The following PLXNA2 variants were observed in gnomAD, a reference collection of about 807,000 sequenced individuals.
PLXNA2 encodes plexin A2.
In PLXNA2, 91 loss-of-function variants were observed where a neutral mutation model predicts 193.5. That is an observed-to-expected ratio of 0.47 (90% CI 0.40 to 0.56). The LOEUF is 0.56. Among genes scored for constraint, PLXNA2 ranks in the 20% least tolerant of loss-of-function variants. PLXNA2 has a pLI of 0.00. For missense variants in PLXNA2, 1,995 were observed against 2,503.2 expected (o/e 0.80, Z 4.33); for synonymous variants, 997 against 1,027.3 (o/e 0.97, Z 0.56).
At chr1:208,043,418 T>C (rs1451482438) in intron 20 of PLXNA2, among the ~76,000 whole-genome samples, 3 of 152,214 alleles carry the variant, frequency 2.0e-5, no homozygotes, top group Admixed American at 6.5e-5. Context: ...TATACTTATC[T>C]ATAATTTCAA....
intron 12 of PLXNA2, among the ~76,000 whole-genome samples, chr1:208,069,250 G>C (rs1448823098): frequency 1.3e-5 from 2 of 152,154 alleles, no homozygotes; most frequent in African/African-American, 4.8e-5. Context: ...AAAGCTTCCA[G>C]GAACTTCTGG....
At chr1:208,162,566 C>T (rs1669164932) in intron 3 of PLXNA2, among the ~76,000 whole-genome samples, 1 of 152,140 alleles carries the variant, frequency 6.6e-6, no homozygotes, top group Non-Finnish European at 1.5e-5. Context: ...TAGGGGAGTA[C>T]AAAGATGAAT....
intron 5 of PLXNA2, among the ~76,000 whole-genome samples, chr1:208,101,563 T>A (rs1452866290): frequency 6.6e-6 from 1 of 152,194 alleles, no homozygotes; most frequent in Non-Finnish European, 1.5e-5. Context: ...CTGGGACTAT[T>A]CTGATGTGGC....
intron 12 of PLXNA2, among the ~76,000 whole-genome samples, chr1:208,068,280 T>C (rs1307205753): frequency 6.6e-6 from 1 of 152,220 alleles, no homozygotes; most frequent in Non-Finnish European, 1.5e-5. Flanking sequence ...GATGACTGGA[T>C]GAGTGGAGGT....
chr1:208,071,783 G>A (rs538227701), intron 12 of PLXNA2, among the ~76,000 whole-genome samples: 5 of 152,344 alleles, frequency 3.3e-5, no homozygotes, highest in African/African-American at 9.6e-5. Context: ...ATAAATGAAC[G>A]AAAGATCAGA....
At chr1:208,037,767 G>A (rs1277229599) in intron 26 of PLXNA2, among the ~76,000 whole-genome samples, 2 of 151,430 alleles carry the variant, frequency 1.3e-5, no homozygotes, top group African/African-American at 4.9e-5. Context: ...CAATGTGTCT[G>A]CCAGTGTGCT....
rs761512286 is a variant in PLXNA2, at chr1:208,033,442, G to A, written c.4932C>T (p.Asp1644=). 25 of 1,613,848 alleles carry A rather than the reference G, an allele frequency of 1.5e-5. No homozygotes were observed. Among genetic ancestry groups the A allele is most frequent in the Non-Finnish European group, 2.0e-5 (24 of 1,179,884 alleles). ...LRSRAPMITP[D]LESGVKVWHL... is the part of the protein sequence containing the mutation. ...GCCACACCTTGACCCCACTTTCCAG[G>A]TCTGGGGTGATCATCGGGGCCCGGG... The change falls in exon 28 of 32, where the codon GAC becomes GAT. Residue 1644 remains aspartate (D), a synonymous_variant. Transcript: ENST00000367033.
At chr1:208,139,462 G>C (rs1248460983) in intron 4 of PLXNA2, among the ~76,000 whole-genome samples, 2 of 152,162 alleles carry the variant, frequency 1.3e-5, no homozygotes, top group Non-Finnish European at 2.9e-5. Flanking sequence ...GTGGCATGTG[G>C]GGCAGTATAA....
At chr1:208,065,691 G>A (rs895560863) in intron 12 of PLXNA2, among the ~76,000 whole-genome samples, 2 of 152,182 alleles carry the variant, frequency 1.3e-5, no homozygotes, top group Non-Finnish European at 2.9e-5. Context: ...ACAAAGAGCT[G>A]CTCATGGGCC....
intron 12 of PLXNA2, among the ~76,000 whole-genome samples, chr1:208,076,470 A>C (rs530817262): frequency 1.3e-5 from 2 of 152,118 alleles, no homozygotes; most frequent in African/African-American, 4.8e-5. Context: ...ATCAATTTTT[A>C]TGTTCTTGCT....
chr1:208,079,544 T>C (rs1666266033), intron 11 of PLXNA2, 94 bp from the exon 12 acceptor site: 2 of 879,766 alleles, frequency 2.3e-6, no homozygotes, highest in African/African-American at 1.7e-5. Context: ...ATAGAAACTC[T>C]TCCCCACCAT....
intron 3 of PLXNA2, among the ~76,000 whole-genome samples, chr1:208,166,294 T>C (rs896800752): frequency 1.3e-5 from 2 of 152,242 alleles, no homozygotes; most frequent in Non-Finnish European, 2.9e-5. Context: ...TAAGAGCAGA[T>C]GTTAGGCTGG....
rs374952818 is a variant in PLXNA2, at chr1:208,045,816, G to A, written c.3495+62C>T. On this transcript the variant is annotated intron_variant, in intron 18 of 31. Coordinates refer to ENST00000367033, the MANE Select transcript of PLXNA2 (RefSeq NM_025179.4). ...AGAAAGAAAGAAAGTCAGGCCAGGAGCGAGGGGCGCCCTCTGGCATTGCTG... is the reference window on the plus strand; with the variant it reads ...AGAAAGAAAGAAAGTCAGGCCAGGAACGAGGGGCGCCCTCTGGCATTGCTG... The A allele has an allele frequency of 1.1e-4, 169 of 1,595,152 alleles. 3 individuals are homozygous for A. The African/African-American group carries it at 1.8e-3, about 17-fold the overall frequency.
In PLXNA2 at chr1:208,028,830, C is replaced by T. The variant is rs1413885123; in HGVS notation, c.5438G>A (p.Arg1813Lys). Reference sequence around the variant, plus strand: ...GGCCTGTCCTGAGGGTGCTACTGACCTCTCCACCCAGCTCTTGTAGCTGGG... The same window carrying T: ...GGCCTGTCCTGAGGGTGCTACTGACTTCTCCACCCAGCTCTTGTAGCTGGG... ...DIPSYKSWVERYYADIAKLPA... is the reference protein window; with the variant it reads ...DIPSYKSWVEKYYADIAKLPA... Residue 1813 changes from arginine (R) to lysine (K), a missense_variant and splice_region_variant, in exon 30 of 32, where the codon AGA (arginine) becomes AAA (lysine). Around this residue, in one of 3 missense-constraint regions of PLXNA2, gnomAD observed 1,291 missense variants for 1,673.6 expected, o/e 0.77. Coordinates refer to ENST00000367033, the MANE Select transcript of PLXNA2 (RefSeq NM_025179.4). This position sits in a 1 kb window ranked among gnomAD's most constrained non-coding sequence, Gnocchi z 4.2. 6.2e-6 allele frequency: 10 copies of T among 1,613,336 alleles called. No homozygotes were observed. The highest frequency in any genetic ancestry group is 4.0e-5 in the African/African-American group (3 of 74,890).
intron 3 of PLXNA2, among the ~76,000 whole-genome samples, chr1:208,165,629 C>T (rs952461349): frequency 2.6e-5 from 4 of 152,142 alleles, no homozygotes; most frequent in African/African-American, 9.7e-5. Flanking sequence ...GTCTCAAAAC[C>T]CCGCAAGCCC....
chr1:208,104,377 AGCG>A (rs1667194227), intron 4 of PLXNA2, among the ~76,000 whole-genome samples: 1 of 152,226 alleles, frequency 6.6e-6, no homozygotes, highest in Non-Finnish European at 1.5e-5. Context: ...GAGAAACGAC[AGCG>A]AACAGCACAC....
chr1:208,131,481 G>A (rs1001904942), intron 4 of PLXNA2, among the ~76,000 whole-genome samples: 1 of 152,142 alleles, frequency 6.6e-6, no homozygotes, highest in Non-Finnish European at 1.5e-5. Context: ...CTCAACGCAG[G>A]GAACACAAGG....
intron 21 of PLXNA2, among the ~76,000 whole-genome samples, chr1:208,042,784 A>T (rs1486904978): frequency 6.6e-6 from 1 of 152,254 alleles, no homozygotes; most frequent in Non-Finnish European, 1.5e-5. Context: ...AGCCATCTTA[A>T]ATCCATTTTA....
rs536665233 is a variant in PLXNA2, at chr1:208,023,013, C to T, written c.*4230G>A. ...GATCACTGAGCTCCAGATACTAAAACGTCACACTTCAGGGAAACTAGGGAA... is the reference window on the plus strand; with the variant it reads ...GATCACTGAGCTCCAGATACTAAAATGTCACACTTCAGGGAAACTAGGGAA... On this transcript the variant is annotated 3_prime_UTR_variant, in exon 32 of 32. Coordinates refer to ENST00000367033, the MANE Select transcript of PLXNA2 (RefSeq NM_025179.4). 1 of 152,262 alleles carries T rather than the reference C, an allele frequency of 6.6e-6. No homozygotes were observed. Among genetic ancestry groups the T allele is most frequent in the Admixed American group, 6.5e-5 (1 of 15,296 alleles). 9.4% of individuals were successfully genotyped at this position (152,262 alleles called of 1,614,324 possible).
Sources: gnomAD v4.1 joint callset for allele counts (sites outside exome capture counted in the v4.1 genomes callset) on GRCh38, gnomAD v4.1.1 for gene constraint, gnomAD v4.1.1 regional missense constraint, Gnocchi (gnomAD v3.1) non-coding constraint, MANE v1.5 for transcripts, NCBI Gene and HGNC (gene_info 2026-07-23, HGNC 2026-07-21) for gene names.